The following PANK2 variants were observed in gnomAD, a reference collection of about 807,000 sequenced individuals.
PANK2 encodes the protein pantothenate kinase 2.
In PANK2, 36 loss-of-function variants were observed where a neutral mutation model predicts 43.1. The ratio of observed to expected loss-of-function variants is 0.84; its 90% CI spans 0.64 to 1.10. PANK2 has a LOEUF of 1.10. Ranked by LOEUF, PANK2 falls within the 50% of genes least tolerant of loss-of-function variation. The probability of loss-of-function intolerance (pLI) is 0.00; values close to 1 mark genes in which losing one functional copy is unlikely to be tolerated. For synonymous variants in PANK2, 281 were observed against 238.2 expected, an observed-to-expected ratio of 1.18 and a Z score of -1.66; for missense variants, 576 against 593.3, an observed-to-expected ratio of 0.97 and a Z score of 0.30.
chr20:3,910,636 A>G lies in PANK2; in HGVS notation c.711A>G (p.Leu237=). 6.2e-7 allele frequency: 1 copy of G among 1,614,148 alleles called. No individual in the cohort carries two copies. Among genetic ancestry groups the G allele is most frequent in the African/African-American group, 1.3e-5 (1 of 75,046 alleles). The change falls in exon 3 of 7, where the codon TTA becomes TTG. Residue 237 remains leucine, a synonymous_variant. Transcript: ENST00000610179. ...TAGATTGCTTGATCAAAGGAATTTT[A>G]TACATTGACTCAGTCGGATTCAATG...
chr20:3,900,467 A>G (rs1056762178), intron 1 of PANK2, among the ~76,000 whole-genome samples: 2 of 151,814 alleles, frequency 1.3e-5, no homozygotes, highest in African/African-American at 4.8e-5. Context: ...GGTGCTTAAG[A>G]GTGCTTAACA....
chr20:3,896,195 T>TG (rs2090204577), intron 1 of PANK2, among the ~76,000 whole-genome samples: 1 of 151,350 alleles, frequency 6.6e-6, no homozygotes, highest in Non-Finnish European at 1.5e-5. Flanking sequence ...CCTGAGTAGC[T>TG]GGGACTACAG....
rs764326697 is a variant in PANK2 at position 3,927,748 on chromosome 20, A to T, written c.*4454A>T. On this transcript the variant is annotated 3_prime_UTR_variant, in exon 7 of 7. Transcript: ENST00000610179. Reference sequence around the variant, plus strand: ...GGGAGGGAAGGGCAGATGGAGAGGAACGGTGTGCAGTGGGCGTGAGATGCA... The same window carrying T: ...GGGAGGGAAGGGCAGATGGAGAGGATCGGTGTGCAGTGGGCGTGAGATGCA... The T allele has an allele frequency of 6.6e-6, 1 of 152,232 alleles. No homozygotes were observed. Among genetic ancestry groups the T allele is most frequent in the African/African-American group, 2.4e-5 (1 of 41,452 alleles). 9.4% of individuals were successfully genotyped at this position (152,232 alleles called of 1,614,324 possible). A position where few individuals can be genotyped will look rare whatever the true frequency, so the allele number is the denominator to read the frequency against.
intron 3 of PANK2, 60 bp from the exon 4 acceptor site, chr20:3,912,398 A>T: frequency 6.4e-7 from 1 of 1,567,452 alleles, no homozygotes; most frequent in Non-Finnish European, 8.8e-7. Context: ...CATAAATGTT[A>T]ACTTCTTGTT....
intron 6 of PANK2, chr20:3,921,814 G>C (rs187651997): frequency 6.6e-6 from 1 of 152,336 alleles, no homozygotes; most frequent in Admixed American, 6.5e-5. Context: ...GGGTTCAAGT[G>C]ATTCTCTTGT....
intron 5 of PANK2, 128 bp from the exon 6 acceptor site, chr20:3,918,543 C>G (rs2090598283): frequency 7.7e-7 from 1 of 1,300,862 alleles, no homozygotes; most frequent in East Asian, 2.3e-5. Context: ...CCTGGACCAA[C>G]TGGACTAAAT....
Position 3,909,236 on chromosome 20 carries a change from A to C in PANK2, c.651+958A>C, listed in dbSNP as rs562735485. Among the ~76,000 whole-genome samples the C allele has an allele frequency of 2.6e-5, 4 of 152,110 alleles. No individual in the cohort carries two copies. In the South Asian group the frequency reaches 8.3e-4, roughly 32 times the overall value. ...GCTGGGATTACAGGCATGTGCCACCACGCCCGGCTAATTTTGTATTTTTAG... is the reference window on the plus strand; with the variant it reads ...GCTGGGATTACAGGCATGTGCCACCCCGCCCGGCTAATTTTGTATTTTTAG... On this transcript the variant is annotated intron_variant, in intron 2 of 6. Coordinates refer to ENST00000610179, the MANE Select transcript of PANK2 (RefSeq NM_001386393.1).
At chr20:3,899,440 G>T (rs1360263036) in intron 1 of PANK2, among the ~76,000 whole-genome samples, 1 of 151,658 alleles carries the variant, frequency 6.6e-6, no homozygotes, top group East Asian at 1.9e-4. Flanking sequence ...CAGAGTGCTG[G>T]GATTACAGAT....
chr20:3,910,951 A>G, intron 3 of PANK2, 121 bp downstream of exon 3: 2 of 1,254,466 alleles, frequency 1.6e-6, no homozygotes, highest in South Asian at 2.6e-5. Context: ...GATTATGCAA[A>G]CAAATGTTTC....
At position 3,916,912 on chromosome 20, in the gene PANK2, T is replaced by TTCCCCC. The variant is rs1555789541; in HGVS notation, c.1083-14_1083-13insCCCCCT. On this transcript the variant is annotated splice_polypyrimidine_tract_variant and intron_variant, in intron 4 of 6. Transcript: ENST00000610179. ...CTGTTGGTTTAGCAATGGGATTTTT[T>TTCCCCC]TTCCCCCATCACAGCTTTGGAAACA... is the stretch of plus-strand genomic sequence containing the variant. 36,606 of 1,613,026 alleles carry TTCCCCC rather than the reference T, an allele frequency of 0.023. 496 individuals carry two copies. The highest frequency in any genetic ancestry group is 0.027 in the Non-Finnish European group (31,956 of 1,179,206).
Position 3,908,015 on chromosome 20 carries a change from G to A in PANK2, c.388G>A (p.Glu130Lys). 4.3e-6 allele frequency: 7 copies of A among 1,614,146 alleles called. No homozygotes were observed. The highest frequency in any genetic ancestry group is 5.9e-6 in the Non-Finnish European group (7 of 1,180,002). The stretch of plus-strand genomic sequence containing the variant: ...AGACATCACTGCTGAAGAAGAAGAG[G>A]AAGAAGTGGAAAGTCTTAAAAGCAT... The change falls in exon 2 of 7, where the codon GAA (glutamate) becomes AAA (lysine). Residue 130 changes from glutamate to lysine, a missense_variant. Physicochemically the swap from Glu to Lys is moderately conservative, Grantham distance 56. This residue lies in a region of PANK2 where 544 missense variants were observed against 528.9 expected (regional missense o/e 1.03). Coordinates refer to ENST00000610179, the MANE Select transcript of PANK2 (RefSeq NM_001386393.1).
chr20:3,905,847 C>G (rs542243238), intron 1 of PANK2, among the ~76,000 whole-genome samples: 1 of 150,880 alleles, frequency 6.6e-6, no homozygotes, highest in African/African-American at 2.4e-5. Context: ...TCCTGAGTAG[C>G]TATGATTACA....
intron 2 of PANK2, among the ~76,000 whole-genome samples, chr20:3,909,184 G>A (rs1014058050): frequency 3.3e-5 from 5 of 152,190 alleles, no homozygotes; most frequent in Admixed American, 6.5e-5. Context: ...GGGTTCAAGC[G>A]ATTCTCCTGC....
rs1555788167 is a variant in PANK2 at position 3,910,307 on chromosome 20, T to TG, written c.652-269dup. On this transcript the variant is annotated intron_variant, in intron 2 of 6. Coordinates refer to ENST00000610179, the MANE Select transcript of PANK2 (RefSeq NM_001386393.1). The stretch of plus-strand genomic sequence containing the variant: ...GATAAATGCTGTGGTTTTTTTTTTT[T>TG]GTTTTTTTTGTTTTTTTTTTGGTCA... Among the ~76,000 whole-genome samples, 4 of 150,148 alleles carry TG rather than the reference T, an allele frequency of 2.7e-5. No homozygotes were observed. In the East Asian group the frequency reaches 8.0e-4, roughly 30 times the overall value.
At chr20:3,913,992 T>C (rs963386879) in intron 4 of PANK2, among the ~76,000 whole-genome samples, 2 of 151,930 alleles carry the variant, frequency 1.3e-5, no homozygotes, top group Admixed American at 6.6e-5. Flanking sequence ...GGTTTCACTA[T>C]GTTGGCCAGG....
intron 1 of PANK2, among the ~76,000 whole-genome samples, chr20:3,907,198 G>T (rs927738831): frequency 4.3e-5 from 6 of 140,212 alleles, no homozygotes; most frequent in Non-Finnish European, 9.0e-5. Context: ...CCACCTCCCA[G>T]GTTGAAGCAG....
At chr20:3,909,166 C>T (rs2090431360) in intron 2 of PANK2, among the ~76,000 whole-genome samples, 1 of 152,182 alleles carries the variant, frequency 6.6e-6, no homozygotes, top group Admixed American at 6.6e-5. Flanking sequence ...ACACAACCTC[C>T]ACCTCTCGGG....
In PANK2 at chr20:3,908,064, T is replaced by C. The variant is rs748230886; in HGVS notation, c.437T>C (p.Val146Ala). The stretch of plus-strand genomic sequence containing the variant: ...ATTCGGAAGTACCTGACCTCCAATG[T>C]GGCTTATGGGTCTACAGGCATTCGG... Residue 146 changes from valine (V) to alanine (A), a missense_variant, in exon 2 of 7, where the codon GTG (valine) becomes GCG (alanine). Physicochemically the swap from Val to Ala is moderately conservative, Grantham distance 64. Transcript: ENST00000610179. 6.2e-6 allele frequency: 10 copies of C among 1,614,200 alleles called. No individual in the cohort carries two copies. The highest frequency in any genetic ancestry group is 8.5e-6 in the Non-Finnish European group (10 of 1,180,040).
At chr20:3,915,454 C>T (rs2146883334) in intron 4 of PANK2, among the ~76,000 whole-genome samples, 1 of 152,168 alleles carries the variant, frequency 6.6e-6, no homozygotes, top group African/African-American at 2.4e-5. Flanking sequence ...CGTGCCGCCA[C>T]ACCCAGCTAA....
Sources: gnomAD v4.1 joint callset for allele counts (sites outside exome capture counted in the v4.1 genomes callset) on GRCh38, gnomAD v4.1.1 for gene constraint, gnomAD v4.1.1 regional missense constraint, MANE v1.5 for transcripts, NCBI Gene and HGNC (gene_info 2026-07-23, HGNC 2026-07-21) for gene names.